The following NRG3 variants were observed in gnomAD, a reference collection of about 807,000 sequenced individuals.
NRG3 encodes the protein neuregulin 3.
A neutral mutation model predicts 66.9 loss-of-function variants in NRG3; 31 were observed. The ratio of observed to expected loss-of-function variants is 0.46; its 90% CI spans 0.35 to 0.63. The LOEUF is 0.63. NRG3 is among the 20% of genes least tolerant of loss of function. The probability of loss-of-function intolerance (pLI) is 0.00; values close to 1 mark genes in which losing one functional copy is unlikely to be tolerated. For missense variants in NRG3, 910 were observed against 878.9 expected (o/e 1.04, Z -0.45); for synonymous variants, 393 against 359.4 (o/e 1.09, Z -1.06).
intron 1 of NRG3, among the ~76,000 whole-genome samples, chr10:82,184,649 T>G (rs1344051171): frequency 6.6e-6 from 1 of 152,134 alleles, no homozygotes; most frequent in Non-Finnish European, 1.5e-5. Flanking sequence ...TGGAGACAAT[T>G]AATTCCTCGG....
At chr10:82,900,295 T>G (rs1039653494) in intron 4 of NRG3, among the ~76,000 whole-genome samples, 1 of 152,200 alleles carries the variant, frequency 6.6e-6, no homozygotes, top group African/African-American at 2.4e-5. Flanking sequence ...GGGACACGCA[T>G]CCAATCTGGA....
chr10:82,575,212 C>G (rs181310311), intron 2 of NRG3, among the ~76,000 whole-genome samples: 1 of 150,620 alleles, frequency 6.6e-6, no homozygotes, highest in African/African-American at 2.4e-5. Context: ...AAATAGAAAA[C>G]AAAAACAAAT....
intron 1 of NRG3, among the ~76,000 whole-genome samples, chr10:82,027,985 G>C (rs1023628938): frequency 6.6e-6 from 1 of 152,096 alleles, no homozygotes; most frequent in Non-Finnish European, 1.5e-5. Flanking sequence ...ACTGCCCACT[G>C]CACTCTTTTT....
At chr10:82,779,908 TCTC>T (rs1233654161) in intron 3 of NRG3, among the ~76,000 whole-genome samples, 3 of 149,406 alleles carry the variant, frequency 2.0e-5, no homozygotes, top group African/African-American at 7.4e-5. Context: ...GGTGTGATAT[TCTC>T]CTCCCTGTGT....
chr10:82,291,068 C>A (rs2079715670), intron 1 of NRG3, among the ~76,000 whole-genome samples: 1 of 151,938 alleles, frequency 6.6e-6, no homozygotes, highest in Non-Finnish European at 1.5e-5. Flanking sequence ...AGTGCTATTG[C>A]AGTTGAACCA....
At chr10:82,220,116 G>T (rs1218010978) in intron 1 of NRG3, among the ~76,000 whole-genome samples, 1 of 151,950 alleles carries the variant, frequency 6.6e-6, no homozygotes, top group Non-Finnish European at 1.5e-5. Context: ...TCATTTTGCT[G>T]TCAAGATAGG....
At chr10:82,841,411 A>G (rs1339772249) in intron 3 of NRG3, among the ~76,000 whole-genome samples, 1 of 152,160 alleles carries the variant, frequency 6.6e-6, no homozygotes, top group East Asian at 1.9e-4. Flanking sequence ...ATGAATAGTG[A>G]TGATTAATTA....
chr10:82,784,810 A>T (rs1216750382), intron 3 of NRG3, among the ~76,000 whole-genome samples: 2 of 152,140 alleles, frequency 1.3e-5, no homozygotes, highest in Admixed American at 6.5e-5. Context: ...TTCCTCAGGG[A>T]TCTAGAACTG....
intron 4 of NRG3, among the ~76,000 whole-genome samples, chr10:82,922,420 A>G (rs933278901): frequency 6.6e-6 from 1 of 152,060 alleles, no homozygotes; most frequent in East Asian, 1.9e-4. Context: ...GGATAAGGCT[A>G]TTTCTTTACC....
chr10:81,993,573 C>T (rs2060823303), intron 1 of NRG3, among the ~76,000 whole-genome samples: 1 of 152,006 alleles, frequency 6.6e-6, no homozygotes. Flanking sequence ...CCTTGAACTC[C>T]TGGCCTCAAC....
In NRG3 at chr10:82,330,683, A is replaced by G. The variant is rs150306575; in HGVS notation, c.824-28056A>G. On this transcript the variant is annotated intron_variant, in intron 1 of 8. Transcript: ENST00000372141. ...ACCTTTGATAAATAGCGTTTTCCAT[A>G]CTGTTTCCTACCTCGTTGTAAGTAC... 8.8e-3 allele frequency among the ~76,000 whole-genome samples: 1,339 copies of G among 152,326 alleles called. 19 individuals carry two copies. Among genetic ancestry groups the G allele is most frequent in the African/African-American group, 0.03 (1,265 of 41,578 alleles).
At chr10:82,148,749 T>G (rs2070454324) in intron 1 of NRG3, among the ~76,000 whole-genome samples, 1 of 149,704 alleles carries the variant, frequency 6.7e-6, no homozygotes, top group Admixed American at 6.6e-5. Flanking sequence ...TGTCTTCTCT[T>G]CATCCAAAGA....
chr10:82,312,431 A>G (rs751832903), intron 1 of NRG3, among the ~76,000 whole-genome samples: 9 of 152,344 alleles, frequency 5.9e-5, no homozygotes, highest in African/African-American at 1.9e-4. Flanking sequence ...AATGCCATCA[A>G]GCAGGAGATA....
chr10:82,549,683 A>G (rs900421696), intron 2 of NRG3, among the ~76,000 whole-genome samples: 2 of 152,196 alleles, frequency 1.3e-5, no homozygotes, highest in African/African-American at 4.8e-5. Flanking sequence ...ATTCTGCAGA[A>G]TTATGCAGGG....
rs532495571 is a variant in NRG3 at position 82,547,060 on chromosome 10, A to C, written c.953+188192A>C. On this transcript the variant is annotated intron_variant, in intron 2 of 8. Transcript: ENST00000372141. ...AAAAGATTAAGCAATCTATGCAATC[A>C]TAAAATTTGTAGAGAAAAATTACTC... Among the ~76,000 whole-genome samples the C allele has an allele frequency of 9.2e-5, 14 of 152,340 alleles. No individual in the cohort carries two copies. In the South Asian group the frequency reaches 2.7e-3, roughly 29 times the overall value.
At chr10:82,672,375 G>C (rs937488791) in intron 2 of NRG3, among the ~76,000 whole-genome samples, 3 of 152,156 alleles carry the variant, frequency 2.0e-5, no homozygotes, top group African/African-American at 7.2e-5. Context: ...TAAGGAAAAT[G>C]GGGTATTGAT....
chr10:82,664,034 C>G (rs977389041), intron 2 of NRG3, among the ~76,000 whole-genome samples: 9 of 152,112 alleles, frequency 5.9e-5, no homozygotes, highest in African/African-American at 2.2e-4. Flanking sequence ...GGAGGCTTTT[C>G]ATGTGGTGGG....
chr10:82,873,521 G>A (rs1205505972), intron 4 of NRG3, among the ~76,000 whole-genome samples: 1 of 152,190 alleles, frequency 6.6e-6, no homozygotes, highest in Non-Finnish European at 1.5e-5. Context: ...CAAAGGGCAT[G>A]TCAGACTGGC....
chr10:82,603,821 T>C (rs2047790742), intron 2 of NRG3, among the ~76,000 whole-genome samples: 1 of 152,164 alleles, frequency 6.6e-6, no homozygotes, highest in Non-Finnish European at 1.5e-5. Flanking sequence ...AACTTGTCTT[T>C]TCTCTATACA....
Sources: gnomAD v4.1 joint callset for allele counts (sites outside exome capture counted in the v4.1 genomes callset) on GRCh38, gnomAD v4.1.1 for gene constraint, MANE v1.5 for transcripts, NCBI Gene and HGNC (gene_info 2026-07-23, HGNC 2026-07-21) for gene names.